The following INTS4 variants were observed in gnomAD, a reference collection of about 807,000 sequenced individuals.
INTS4 encodes the protein integrator complex subunit 4.
In INTS4, 70 loss-of-function variants were observed where a neutral mutation model predicts 119.5. The observed-to-expected ratio is 0.59, with a 90% confidence interval of 0.48 to 0.71. The LOEUF is 0.71. Among genes scored for constraint, INTS4 ranks in the 30% least tolerant of loss-of-function variants. INTS4 has a pLI of 0.00. For missense variants in INTS4, 867 were observed against 1,173.2 expected, an observed-to-expected ratio of 0.74 and a Z score of 3.81; for synonymous variants, 316 against 419.6, an observed-to-expected ratio of 0.75 and a Z score of 3.02.
At chr11:77,883,025 G>A (rs547083728) in intron 22 of INTS4, among the ~76,000 whole-genome samples, 3 of 152,152 alleles carry the variant, frequency 2.0e-5, no homozygotes, top group East Asian at 1.9e-4. Context: ...GCAGTGAGCC[G>A]AGATTGCACC....
At chr11:77,947,250 T>C (rs1196229125) in intron 8 of INTS4, among the ~76,000 whole-genome samples, 1 of 152,166 alleles carries the variant, frequency 6.6e-6, no homozygotes, top group African/African-American at 2.4e-5. Context: ...GATGAAATGA[T>C]AGCTGAAAAC....
At chr11:77,932,059 G>C (rs1258985941) in intron 10 of INTS4, among the ~76,000 whole-genome samples, 1 of 152,146 alleles carries the variant, frequency 6.6e-6, no homozygotes, top group Non-Finnish European at 1.5e-5. Flanking sequence ...AACACCAAAA[G>C]CAACGGCAAT....
At chr11:77,935,109 T>C (rs1953756034) in intron 10 of INTS4, among the ~76,000 whole-genome samples, 1 of 152,190 alleles carries the variant, frequency 6.6e-6, no homozygotes, top group Non-Finnish European at 1.5e-5. Context: ...ATGAGACAGA[T>C]AGCATATGGA....
intron 1 of INTS4, among the ~76,000 whole-genome samples, chr11:77,993,868 G>A (rs1043351436): frequency 6.6e-6 from 1 of 151,938 alleles, no homozygotes; most frequent in African/African-American, 2.4e-5. Context: ...ACGTCCCCAG[G>A]TAATTTGTAT....
chr11:77,922,785 C>T (rs1436316195), intron 12 of INTS4: 1 of 365,262 alleles, frequency 2.7e-6, no homozygotes, highest in Admixed American at 4.0e-5. Context: ...AAAGGCAGGT[C>T]CAGCCCAAGA....
chr11:77,901,419 AC>A lies in INTS4; in HGVS notation c.2228+1del, dbSNP rs762490203. 6.2e-7 allele frequency: 1 copy of A among 1,613,772 alleles called. No homozygotes were observed. The highest frequency in any genetic ancestry group is 1.3e-5 in the African/African-American group (1 of 75,004). ...CATATTTTGGCCAACCCCACATCTT[AC>A]CCTCGTGTAGTTCGTGCTGTTACTA... On this transcript the variant is annotated splice_donor_variant, in intron 18 of 22. Coordinates refer to ENST00000534064, the MANE Select transcript of INTS4 (RefSeq NM_033547.4). LOFTEE classifies it high-confidence loss of function.
chr11:77,982,294 C>A (rs759179485), intron 2 of INTS4, among the ~76,000 whole-genome samples: 3 of 152,124 alleles, frequency 2.0e-5, no homozygotes. Context: ...TGCTACCACA[C>A]CTGGCTACTT....
chr11:77,878,929 T>A lies in INTS4; in HGVS notation c.*20A>T. On this transcript the variant is annotated 3_prime_UTR_variant, in exon 23 of 23. Coordinates refer to ENST00000534064, the MANE Select transcript of INTS4 (RefSeq NM_033547.4). Reference sequence around the variant, plus strand: ...CTAAGAAGGGCCCTCTAGGCCACGGTTGGGAAGACTGTTTTTGCCTTAGCG... The same window carrying A: ...CTAAGAAGGGCCCTCTAGGCCACGGATGGGAAGACTGTTTTTGCCTTAGCG... The A allele has an allele frequency of 6.2e-7, 1 of 1,605,820 alleles. No individual in the cohort carries two copies. The highest frequency in any genetic ancestry group is 8.5e-7 in the Non-Finnish European group (1 of 1,172,844).
chr11:77,941,725 C>CA (rs1242523179), intron 8 of INTS4, among the ~76,000 whole-genome samples: 1 of 152,136 alleles, frequency 6.6e-6, no homozygotes, highest in Non-Finnish European at 1.5e-5. Context: ...AGGCTAGTCT[C>CA]AAACTCCTGA....
At chr11:77,954,295 T>TAAA (rs1954266519) in intron 8 of INTS4, among the ~76,000 whole-genome samples, 3 of 151,072 alleles carry the variant, frequency 2.0e-5, no homozygotes, top group African/African-American at 7.3e-5. Flanking sequence ...AAAAAAAAAT[T>TAAA]TTTTTTTAAT....
intron 5 of INTS4, among the ~76,000 whole-genome samples, 184 bp downstream of exon 5, chr11:77,960,768 AG>A (rs1168995101): frequency 6.6e-6 from 1 of 152,220 alleles, no homozygotes; most frequent in Non-Finnish European, 1.5e-5. Context: ...GAAAGCTACC[AG>A]AGAAAGCCAA....
chr11:77,948,310 T>C lies in INTS4; in HGVS notation c.919-7059A>G, dbSNP rs185134079. On this transcript the variant is annotated intron_variant, in intron 8 of 22. Transcript: ENST00000534064. ...AAGGATCTCCAAAATTACTTTTTGG[T>C]AATTAACAAAATGGCAGGAATAAGA... 4.5e-3 allele frequency among the ~76,000 whole-genome samples: 686 copies of C among 152,258 alleles called. 2 individuals carry two copies. The highest frequency in any genetic ancestry group is 7.9e-3 in the Non-Finnish European group (539 of 68,000).
intron 10 of INTS4, among the ~76,000 whole-genome samples, chr11:77,938,364 C>A (rs1325255600): frequency 1.3e-5 from 2 of 152,100 alleles, no homozygotes; most frequent in Non-Finnish European, 2.9e-5. Context: ...GTATACAGAA[C>A]CTCATTTAAT....
intron 8 of INTS4, among the ~76,000 whole-genome samples, chr11:77,955,009 T>G (rs1451365857): frequency 2.0e-5 from 3 of 152,250 alleles, no homozygotes; most frequent in African/African-American, 4.8e-5. Context: ...TAAAAGGCTA[T>G]TTCTCTACAG....
intron 13 of INTS4, 80 bp downstream of exon 13, chr11:77,922,276 A>C: frequency 6.7e-7 from 1 of 1,490,722 alleles, no homozygotes; most frequent in Non-Finnish European, 8.9e-7. Context: ...GAAAATTCAG[A>C]CTACCCTAGC....
chr11:77,911,934 T>C (rs978478648), intron 15 of INTS4, among the ~76,000 whole-genome samples: 1 of 152,242 alleles, frequency 6.6e-6, no homozygotes, highest in Non-Finnish European at 1.5e-5. Context: ...GGACATGAAC[T>C]AGACAGAGTC....
downstream of INTS4, chr11:77,877,122 C>T: frequency 5.8e-6 from 4 of 685,422 alleles, no homozygotes; most frequent in South Asian, 6.2e-5. Flanking sequence ...CACTCATGAC[C>T]TCGTGGAAAT....
intron 4 of INTS4, among the ~76,000 whole-genome samples, chr11:77,969,895 A>T (rs983466191): frequency 2.6e-5 from 4 of 152,190 alleles, no homozygotes; most frequent in Non-Finnish European, 5.9e-5. Context: ...AATTTAATAT[A>T]AACTGACTCA....
chr11:77,968,115 A>G (rs1429136848), intron 4 of INTS4, among the ~76,000 whole-genome samples: 1 of 152,224 alleles, frequency 6.6e-6, no homozygotes, highest in Non-Finnish European at 1.5e-5. Flanking sequence ...CTACACATAG[A>G]AAAAGTACAG....
Sources: gnomAD v4.1 joint callset for allele counts (sites outside exome capture counted in the v4.1 genomes callset) on GRCh38, gnomAD v4.1.1 for gene constraint, MANE v1.5 for transcripts, NCBI Gene and HGNC (gene_info 2026-07-23, HGNC 2026-07-21) for gene names.